ASIC2: variants seen among roughly 807,000 people sequenced by gnomAD.
ASIC2 encodes the protein acid sensing ion channel subunit 2, also known as acid-sensing ion channel 2.
A neutral mutation model predicts 57.3 loss-of-function variants in ASIC2; 25 were observed. The observed-to-expected ratio is 0.44, with a 90% CI of 0.32 to 0.61. ASIC2 has a LOEUF of 0.61. Among genes scored for constraint, ASIC2 ranks in the 20% least tolerant of loss-of-function variants. ASIC2 has a pLI of 0.06. For synonymous variants in ASIC2, 319 were observed against 307.5 expected, an observed-to-expected ratio of 1.04 and a Z score of -0.39; for missense variants, 641 against 738.1, an observed-to-expected ratio of 0.87 and a Z score of 1.52.
intron 1 of ASIC2, among the ~76,000 whole-genome samples, chr17:33,950,559 T>C (rs1211851488): frequency 6.6e-6 from 1 of 152,090 alleles, no homozygotes; most frequent in Non-Finnish European, 1.5e-5. Flanking sequence ...CAGCAATGAG[T>C]GGGGACCTGG....
At chr17:33,949,758 A>C (rs1321359635) in intron 1 of ASIC2, among the ~76,000 whole-genome samples, 3 of 152,208 alleles carry the variant, frequency 2.0e-5, no homozygotes, top group Non-Finnish European at 4.4e-5. Flanking sequence ...CAATCTTATC[A>C]AACGGTTGTA....
intron 3 of ASIC2, among the ~76,000 whole-genome samples, chr17:33,043,013 G>A (rs1485069459): frequency 2.0e-5 from 3 of 150,820 alleles, no homozygotes; most frequent in African/African-American, 7.3e-5. Flanking sequence ...CTCAAGCTCC[G>A]CCTCCCAGGT....
intron 6 of ASIC2, among the ~76,000 whole-genome samples, chr17:33,022,043 T>C (rs1325045879): frequency 1.3e-5 from 2 of 152,144 alleles, no homozygotes; most frequent in Non-Finnish European, 2.9e-5. Flanking sequence ...CTCAACCCAC[T>C]GAGCAGAAGC....
chr17:33,067,307 A>G (rs954257830), intron 3 of ASIC2, among the ~76,000 whole-genome samples: 6 of 152,088 alleles, frequency 3.9e-5, no homozygotes, highest in African/African-American at 1.4e-4. Context: ...AGAGGAAAAG[A>G]CCTCTGTGGG....
intron 1 of ASIC2, among the ~76,000 whole-genome samples, chr17:33,630,877 T>C (rs989311935): frequency 2.0e-5 from 3 of 152,288 alleles, no homozygotes; most frequent in Admixed American, 2.0e-4. Context: ...GGTCTGGCAT[T>C]GAGTAGGTGC....
In ASIC2 at chr17:33,650,958, G is replaced by T. The variant is rs540339606; in HGVS notation, c.555+505020C>A. On this transcript the variant is annotated intron_variant, in intron 1 of 9. Coordinates refer to the ASIC2 transcript ENST00000359872. Reference sequence around the variant, plus strand: ...GGATGTGATATTGTACTATAGTTTTGCAAGATGTTACCATTAGGGTGAACT... The same window carrying T: ...GGATGTGATATTGTACTATAGTTTTTCAAGATGTTACCATTAGGGTGAACT... Among the ~76,000 whole-genome samples, 3 of 152,278 alleles carry T rather than the reference G, an allele frequency of 2.0e-5. No homozygotes were observed. The South Asian group carries it at 6.2e-4, about 32-fold the overall frequency.
chr17:33,631,956 C>T (rs1465374178), intron 1 of ASIC2, among the ~76,000 whole-genome samples: 1 of 152,024 alleles, frequency 6.6e-6, no homozygotes, highest in Non-Finnish European at 1.5e-5. Context: ...GGGGAAGGGC[C>T]CAAAAGTGGT....
At chr17:33,815,334 G>A (rs990640138) in intron 1 of ASIC2, among the ~76,000 whole-genome samples, 1 of 152,186 alleles carries the variant, frequency 6.6e-6, no homozygotes, top group East Asian at 1.9e-4. Flanking sequence ...TTTAACTTGG[G>A]GCATGGCCCC....
At chr17:33,290,258 T>C (rs57688406) in intron 1 of ASIC2, among the ~76,000 whole-genome samples, 2,842 of 152,336 alleles carry the variant, frequency 0.019, 87 homozygotes, top group African/African-American at 0.065. Context: ...GTTGGAACCG[T>C]GGCATCTCTT....
At chr17:33,901,685 AAGT>A (rs1336366263) in intron 1 of ASIC2, among the ~76,000 whole-genome samples, 1 of 152,120 alleles carries the variant, frequency 6.6e-6, no homozygotes, top group Non-Finnish European at 1.5e-5. Flanking sequence ...GAATCTCCTT[AAGT>A]TCCAGAATTC....
chr17:33,723,234 A>C (rs1029600025), intron 1 of ASIC2, among the ~76,000 whole-genome samples: 6 of 152,250 alleles, frequency 3.9e-5, no homozygotes, highest in African/African-American at 1.4e-4. Flanking sequence ...AAGAAGGTGA[A>C]GCTCAAAAAC....
intron 1 of ASIC2, among the ~76,000 whole-genome samples, chr17:33,477,564 T>A (rs969556265): frequency 6.6e-6 from 1 of 152,210 alleles, no homozygotes; most frequent in Non-Finnish European, 1.5e-5. Context: ...AGTGGCTGAC[T>A]TAAGAGGGCA....
chr17:33,413,957 G>A (rs778576706), intron 1 of ASIC2, among the ~76,000 whole-genome samples: 22 of 152,160 alleles, frequency 1.4e-4, no homozygotes, highest in Admixed American at 5.2e-4. Context: ...TGGTTTTAGG[G>A]CCAGGACTTG....
At chr17:34,043,480 A>C (rs937480839) in intron 1 of ASIC2, among the ~76,000 whole-genome samples, 1 of 152,210 alleles carries the variant, frequency 6.6e-6, no homozygotes, top group Non-Finnish European at 1.5e-5. Context: ...TTGGTTTGAC[A>C]GACATTTTTC....
At chr17:33,362,705 A>G (rs1174951474) in intron 1 of ASIC2, among the ~76,000 whole-genome samples, 1 of 152,250 alleles carries the variant, frequency 6.6e-6, no homozygotes, top group East Asian at 1.9e-4. Context: ...GTGCCTCTCC[A>G]GGGCAGGGAC....
chr17:33,574,914 G>A (rs139496868), intron 1 of ASIC2, among the ~76,000 whole-genome samples: 3 of 151,762 alleles, frequency 2.0e-5, no homozygotes, highest in Non-Finnish European at 2.9e-5. Flanking sequence ...TATAGATGAG[G>A]AAAATGAATC....
At chr17:33,900,106 A>G (rs1295635504) in intron 1 of ASIC2, among the ~76,000 whole-genome samples, 1 of 152,268 alleles carries the variant, frequency 6.6e-6, no homozygotes, top group Non-Finnish European at 1.5e-5. Flanking sequence ...GTAACCGCAC[A>G]TAGTAGACAC....
chr17:33,084,663 A>G (rs2092127719), intron 3 of ASIC2, among the ~76,000 whole-genome samples: 2 of 152,240 alleles, frequency 1.3e-5, no homozygotes, highest in Non-Finnish European at 2.9e-5. Flanking sequence ...TCCCTACAGC[A>G]TAATGCCTGG....
At chr17:33,378,384 G>A (rs529587176) in intron 1 of ASIC2, among the ~76,000 whole-genome samples, 1 of 152,304 alleles carries the variant, frequency 6.6e-6, no homozygotes. Context: ...AACCCCAGAG[G>A]CTTCCTCAGC....
Sources: gnomAD v4.1 joint callset for allele counts (sites outside exome capture counted in the v4.1 genomes callset) on GRCh38, gnomAD v4.1.1 for gene constraint, MANE v1.5 for transcripts, NCBI Gene and HGNC (gene_info 2026-07-23, HGNC 2026-07-21) for gene names.